Variants in RAB5IF observed in about 807,000 individuals in gnomAD.
RAB5IF encodes GEL complex subunit OPTI.
A neutral mutation model predicts 20.3 loss-of-function variants in RAB5IF; 15 were observed. The ratio of observed to expected loss-of-function variants is 0.74; its 90% CI spans 0.50 to 1.14. The LOEUF is 1.14. Ranked by LOEUF, RAB5IF falls within the 50% of genes most tolerant of loss-of-function variation. The pLI is 0.00. For synonymous variants in RAB5IF, 67 were observed against 63.7 expected, an observed-to-expected ratio of 1.05 and a Z score of -0.25; for missense variants, 148 against 159.5, an observed-to-expected ratio of 0.93 and a Z score of 0.39.
At chr20:36,606,104 C>T (rs1024282471) in intron 1 of RAB5IF, 39 bp downstream of exon 1, 16 of 1,223,632 alleles carry the variant, frequency 1.3e-5, no homozygotes, top group Non-Finnish European at 1.7e-5. Flanking sequence ...TGCGAGGAGT[C>T]GGCTGGGACT....
intron 1 of RAB5IF, 126 bp downstream of exon 1, chr20:36,606,191 C>T (rs2038930432): frequency 3.7e-6 from 2 of 545,146 alleles, no homozygotes; most frequent in Non-Finnish European, 6.0e-6. Flanking sequence ...GGGCGGGTGG[C>T]CCAAGGGTGT....
rs776267934 is a variant in RAB5IF at position 36,612,058 on chromosome 20, A to T, written c.*7A>T. On this transcript the variant is annotated 3_prime_UTR_variant, in exon 4 of 4. Transcript: ENST00000344795. ...TGCCATCCATTATGACTGATGGTGT[A>T]CAGCTCCCAAGTGCTCCCTATCCAG... The T allele has an allele frequency of 6.2e-7, 1 of 1,614,152 alleles. No individual in the cohort carries two copies. Among genetic ancestry groups the T allele is most frequent in the Non-Finnish European group, 8.5e-7 (1 of 1,180,044 alleles).
At chr20:36,607,015 T>C (rs906426153) in intron 1 of RAB5IF, among the ~76,000 whole-genome samples, 1 of 152,182 alleles carries the variant, frequency 6.6e-6, no homozygotes, top group African/African-American at 2.4e-5. Context: ...CTTTCTTTTC[T>C]TGTATAAGGA....
At chr20:36,608,099 G>A (rs1568594656) in intron 2 of RAB5IF, 2 of 575,818 alleles carry the variant, frequency 3.5e-6, no homozygotes, top group South Asian at 1.7e-5. Flanking sequence ...CTACTTGTTC[G>A]TGGCATGCAC....
chr20:36,608,423 T>G (rs1234206190), intron 2 of RAB5IF, among the ~76,000 whole-genome samples: 2 of 151,986 alleles, frequency 1.3e-5, no homozygotes, highest in African/African-American at 4.8e-5. Flanking sequence ...TTTTAAAAAT[T>G]TTGTAGAGAC....
chr20:36,605,892 C>G lies in RAB5IF; in HGVS notation c.-60C>G. ...GCGCCGTGACCTGCGACCCTAGACC[C>G]CGACTCCCTTTGGCTCAGCCCGCGC... On this transcript the variant is annotated 5_prime_UTR_variant, in exon 1 of 4. Transcript: ENST00000344795. The G allele has an allele frequency of 1.9e-6, 2 of 1,048,368 alleles. No homozygotes were observed. Among genetic ancestry groups the G allele is most frequent in the Non-Finnish European group, 2.6e-6 (2 of 776,416 alleles). The allele number at this position is 1,048,368 out of a possible 1,614,324, so 64.9% of individuals were successfully genotyped here.
At chr20:36,610,954 T>C (rs1023939745) in intron 3 of RAB5IF, among the ~76,000 whole-genome samples, 1 of 152,178 alleles carries the variant, frequency 6.6e-6, no homozygotes, top group Non-Finnish European at 1.5e-5. Flanking sequence ...TCAGTGGTGA[T>C]GTTTGCACAA....
rs1600811340 is a variant in RAB5IF at position 36,612,312 on chromosome 20, CTAT to C, written c.*266_*268del. 1.9e-5 allele frequency: 23 copies of C among 1,225,558 alleles called. No homozygotes were observed. The East Asian group carries it at 4.7e-4, about 25-fold the overall frequency. The allele number at this position is 1,225,558 out of a possible 1,614,324, so 75.9% of individuals were successfully genotyped here. ...CTTCTTGGATACCATCAAGTAACAG[CTAT>C]TATTTGCCAAGTGGAGCTGTCATTT... On this transcript the variant is annotated 3_prime_UTR_variant, in exon 4 of 4. Coordinates refer to ENST00000344795, the MANE Select transcript of RAB5IF (RefSeq NM_018840.5).
At chr20:36,609,256 C>CA (rs1555790839) in intron 2 of RAB5IF, among the ~76,000 whole-genome samples, 1 of 121,666 alleles carries the variant, frequency 8.2e-6, no homozygotes. Context: ...CACACACACA[C>CA]TATATATAGA....
chr20:36,606,196 G>C (rs1015228840), intron 1 of RAB5IF, 131 bp downstream of exon 1: 1 of 512,030 alleles, frequency 2.0e-6, no homozygotes, highest in Non-Finnish European at 3.3e-6. Context: ...GGTGGCCCAA[G>C]GGTGTCAGAG....
Position 36,612,326 on chromosome 20 carries a change from G to C in RAB5IF, c.*275G>C. On this transcript the variant is annotated 3_prime_UTR_variant, in exon 4 of 4. Transcript: ENST00000344795. ...TCAAGTAACAGCTATTATTTGCCAA[G>C]TGGAGCTGTCATTTAATTTGATGCA... 2.8e-6 allele frequency: 3 copies of C among 1,080,300 alleles called. No individual in the cohort carries two copies. Among genetic ancestry groups the C allele is most frequent in the Non-Finnish European group, 4.2e-6 (3 of 710,970 alleles). The allele number at this position is 1,080,300 out of a possible 1,614,324, so 66.9% of individuals were successfully genotyped here.
chr20:36,609,565 C>T, intron 2 of RAB5IF, 36 bp from the exon 3 acceptor site: 1 of 1,543,010 alleles, frequency 6.5e-7, no homozygotes, highest in Non-Finnish European at 8.7e-7. Flanking sequence ...TCTAAGCTTT[C>T]AATTTATGTT....
chr20:36,609,256 C>CTATATATATATATATATATATA (rs60707085), intron 2 of RAB5IF, among the ~76,000 whole-genome samples: 17 of 121,666 alleles, frequency 1.4e-4, no homozygotes, highest in African/African-American at 6.0e-4. Context: ...CACACACACA[C>CTATATATATATATATATATATA]TATATATAGA....
Position 36,609,621 on chromosome 20 carries a change from G to C in RAB5IF, c.239G>C (p.Gly80Ala), listed in dbSNP as rs1354951801. The C allele has an allele frequency of 6.2e-7, 1 of 1,607,560 alleles. No individual in the cohort carries two copies. The highest frequency in any genetic ancestry group is 8.5e-7 in the Non-Finnish European group (1 of 1,176,632). Residue 80 changes from glycine to alanine, a missense_variant, in exon 3 of 4, where the codon GGA becomes GCA. Gly to Ala is a moderately conservative substitution (Grantham distance 60). Coordinates refer to ENST00000344795, the MANE Select transcript of RAB5IF (RefSeq NM_018840.5). Reference sequence around the variant, plus strand: ...TCCAGATTCTGCCTGATCAATGCAGGAGTCCTGTACCTCTACTTCAGCAAT... The same window carrying C: ...TCCAGATTCTGCCTGATCAATGCAGCAGTCCTGTACCTCTACTTCAGCAAT... Reference protein sequence around the residue: ...GIAGFCLINAGVLYLYFSNYL... With the variant: ...GIAGFCLINAAVLYLYFSNYL...
chr20:36,610,184 C>T (rs1048764675), intron 3 of RAB5IF, among the ~76,000 whole-genome samples: 2 of 151,304 alleles, frequency 1.3e-5, no homozygotes, highest in African/African-American at 2.4e-5. Flanking sequence ...CTCCGGAGGC[C>T]GAGGCATGAG....
intron 3 of RAB5IF, 83 bp from the exon 4 acceptor site, chr20:36,611,927 C>T: frequency 3.8e-6 from 6 of 1,583,742 alleles, no homozygotes; most frequent in Non-Finnish European, 5.2e-6. Context: ...CCCGTGTTTA[C>T]ATTCTCATCT....
At chr20:36,609,927 A>T in intron 3 of RAB5IF, 197 bp downstream of exon 3, 1 of 824,750 alleles carries the variant, frequency 1.2e-6, no homozygotes, top group Non-Finnish European at 1.9e-6. Context: ...GTCCCCTGTA[A>T]TGTGTAAATC....
intron 1 of RAB5IF, among the ~76,000 whole-genome samples, chr20:36,606,847 G>A (rs2038946565): frequency 6.6e-6 from 1 of 152,202 alleles, no homozygotes; most frequent in Non-Finnish European, 1.5e-5. Flanking sequence ...TATTATATTT[G>A]CAGTCATTTC....
At chr20:36,609,518 G>C (rs1254341090) in intron 2 of RAB5IF, 83 bp from the exon 3 acceptor site, 1 of 1,506,864 alleles carries the variant, frequency 6.6e-7, no homozygotes, top group African/African-American at 1.4e-5. Context: ...GGGATTACAG[G>C]TGTGAGCCAC....
Sources: allele counts gnomAD v4.1 joint callset (sites outside exome capture counted in the v4.1 genomes callset), GRCh38; gene constraint gnomAD v4.1.1; transcripts MANE v1.5; gene names NCBI Gene and HGNC (gene_info 2026-07-23, HGNC 2026-07-21).